SAMD5: variants seen among roughly 807,000 people sequenced by gnomAD.
SAMD5 encodes sterile alpha motif domain-containing protein 5.
SAMD5 carries 13 observed loss-of-function variants against 11.3 expected under a neutral mutation model. That is an observed-to-expected ratio of 1.15 (90% CI 0.75 to 1.83). The LOEUF is 1.83. SAMD5 is among the 40% of genes most tolerant of loss of function. The probability of loss-of-function intolerance (pLI) is 0.00; values close to 1 mark genes in which losing one functional copy is unlikely to be tolerated. For synonymous variants in SAMD5, 129 were observed against 111.3 expected (o/e 1.16, Z -1.00); for missense variants, 255 against 239.1 (o/e 1.07, Z -0.44).
the SAMD5 span, among the ~76,000 whole-genome samples, chr6:147,766,299 C>G: frequency 2.0e-5 from 3 of 151,906 alleles, 1 homozygote; most frequent in South Asian, 4.2e-4. Flanking sequence ...AAGAAAAATT[C>G]TCTCTAGATC....
At chr6:147,816,280 C>CAAAAAAAAAAAAA in the SAMD5 span, among the ~76,000 whole-genome samples, 15 of 12,718 alleles carry the variant, frequency 1.2e-3, 4 homozygotes, top group African/African-American at 5.2e-3. Context: ...AACTCCGTCT[C>CAAAAAAAAAAAAA]CAAAAAAAAA....
At chr6:147,603,045 C>T (rs1449307093) in intron 1 of SAMD5, among the ~76,000 whole-genome samples, 2 of 152,022 alleles carry the variant, frequency 1.3e-5, no homozygotes, top group Admixed American at 6.6e-5. Context: ...AATTACTGTG[C>T]TATAATTTTA....
the SAMD5 span, among the ~76,000 whole-genome samples, chr6:147,935,965 G>C: frequency 6.6e-6 from 1 of 152,138 alleles, no homozygotes; most frequent in South Asian, 2.1e-4. Context: ...AAATCCCTGG[G>C]TAGCCTTAGC....
chr6:147,610,910 C>T, intron 1 of SAMD5, among the ~76,000 whole-genome samples: 1 of 148,424 alleles, frequency 6.7e-6, no homozygotes, highest in Non-Finnish European at 1.5e-5. Flanking sequence ...CACTCTGTTG[C>T]CCAGGCTGGA....
chr6:147,669,657 C>G (rs1261037681), intron 1 of SAMD5, among the ~76,000 whole-genome samples: 1 of 151,972 alleles, frequency 6.6e-6, no homozygotes, highest in Non-Finnish European at 1.5e-5. Context: ...TCTCGAACAC[C>G]CAGCCTCAGG....
chr6:147,624,587 G>C (rs9485210), intron 1 of SAMD5, among the ~76,000 whole-genome samples: 1 of 152,090 alleles, frequency 6.6e-6, no homozygotes, highest in Non-Finnish European at 1.5e-5. Context: ...TGGCTGAGTA[G>C]TATTCCATCA....
At chr6:147,764,141 A>G in the SAMD5 span, among the ~76,000 whole-genome samples, 11 of 152,328 alleles carry the variant, frequency 7.2e-5, no homozygotes, top group African/African-American at 2.4e-4. Flanking sequence ...CGTATTTCAT[A>G]AATAACTCAG....
At chr6:147,606,315 G>A (rs1439356952) in intron 1 of SAMD5, among the ~76,000 whole-genome samples, 1 of 151,920 alleles carries the variant, frequency 6.6e-6, no homozygotes, top group African/African-American at 2.4e-5. Flanking sequence ...GTTGTTGTTG[G>A]GTTGTTTTCT....
At chr6:147,731,683 A>ACCCT (rs1363743024) in intron 1 of SAMD5, among the ~76,000 whole-genome samples, 58 of 134,284 alleles carry the variant, frequency 4.3e-4, no homozygotes, top group Admixed American at 8.4e-4. Context: ...CCTGAATGCA[A>ACCCT]CCCTCCCTCC....
intron 1 of SAMD5, among the ~76,000 whole-genome samples, chr6:147,588,468 C>T (rs34031064): frequency 0.11 from 16,901 of 151,558 alleles, 1,195 homozygotes; most frequent in East Asian, 0.29. Context: ...GGACTACAGA[C>T]GCACACCACG....
chr6:147,798,990 A>C, the SAMD5 span, among the ~76,000 whole-genome samples: 2 of 152,290 alleles, frequency 1.3e-5, no homozygotes, highest in Middle Eastern at 3.4e-3. Context: ...TTTCCTGAAT[A>C]CAGCACACTG....
intron 1 of SAMD5, among the ~76,000 whole-genome samples, chr6:147,705,336 A>C (rs1425434960): frequency 6.6e-6 from 1 of 152,226 alleles, no homozygotes; most frequent in Non-Finnish European, 1.5e-5. Flanking sequence ...ATAAATCTCC[A>C]AGAATAACCA....
intron 1 of SAMD5, among the ~76,000 whole-genome samples, chr6:147,641,485 G>A (rs929872736): frequency 2.6e-5 from 4 of 152,010 alleles, no homozygotes; most frequent in Admixed American, 1.3e-4. Context: ...GGGGCACGTC[G>A]CAGACATTTT....
chr6:147,735,353 C>T (rs544380113), intron 1 of SAMD5, among the ~76,000 whole-genome samples: 10 of 152,144 alleles, frequency 6.6e-5, no homozygotes, highest in Admixed American at 4.6e-4. Context: ...TGATTGTTAT[C>T]GGAAATGACT....
intron 1 of SAMD5, among the ~76,000 whole-genome samples, chr6:147,609,590 C>A (rs1789751550): frequency 6.6e-6 from 1 of 152,150 alleles, no homozygotes; most frequent in Non-Finnish European, 1.5e-5. Flanking sequence ...CACCCTGTCG[C>A]ACAGGCTGGA....
At chr6:147,899,985 A>G in the SAMD5 span, among the ~76,000 whole-genome samples, 1 of 152,196 alleles carries the variant, frequency 6.6e-6, no homozygotes, top group Non-Finnish European at 1.5e-5. Context: ...GGAAGAAGGG[A>G]AGCAAGAAGG....
At chr6:147,772,032 A>G in the SAMD5 span, among the ~76,000 whole-genome samples, 3 of 152,196 alleles carry the variant, frequency 2.0e-5, no homozygotes, top group Non-Finnish European at 2.9e-5. Context: ...CTGTTGTCAT[A>G]GAGACTCAAA....
At chr6:147,829,367 G>A in the SAMD5 span, among the ~76,000 whole-genome samples, 3 of 152,194 alleles carry the variant, frequency 2.0e-5, no homozygotes, top group Non-Finnish European at 4.4e-5. Flanking sequence ...CTAAGTTAGA[G>A]CAGTGGTCCT....
the SAMD5 span, among the ~76,000 whole-genome samples, chr6:147,867,101 A>G: frequency 5.3e-5 from 8 of 152,260 alleles, no homozygotes; most frequent in African/African-American, 1.2e-4. Flanking sequence ...AGAGTGAACT[A>G]TAATTTACAA....
Sources: allele counts gnomAD v4.1 joint callset (sites outside exome capture counted in the v4.1 genomes callset), GRCh38; gene constraint gnomAD v4.1.1; transcripts MANE v1.5; gene names NCBI Gene and HGNC (gene_info 2026-07-23, HGNC 2026-07-21).